The following ACYP2 variants were observed in gnomAD, a reference collection of about 807,000 sequenced individuals.
The protein encoded by ACYP2 is acylphosphatase-2.
In ACYP2, 12 loss-of-function variants were observed where a neutral mutation model predicts 11.2. The ratio of observed to expected loss-of-function variants is 1.08; its 90% CI spans 0.69 to 1.74. The LOEUF is 1.74. ACYP2 is among the 40% of genes most tolerant of loss of function. The pLI is 0.00. For synonymous variants in ACYP2, 43 were observed against 32.2 expected, an observed-to-expected ratio of 1.33 and a Z score of -1.13; for missense variants, 134 against 101.9, an observed-to-expected ratio of 1.31 and a Z score of -1.35.
At chr2:54,277,251 A>G (rs1287971784) in intron 6 of ACYP2, among the ~76,000 whole-genome samples, 1 of 152,242 alleles carries the variant, frequency 6.6e-6, no homozygotes, top group Admixed American at 6.5e-5. Flanking sequence ...TGGGAGATTC[A>G]GTGACAAATA....
chr2:54,077,534 T>C (rs1015340039), intron 4 of ACYP2, among the ~76,000 whole-genome samples: 5 of 152,122 alleles, frequency 3.3e-5, no homozygotes, highest in Admixed American at 6.5e-5. Context: ...AAGATAATTA[T>C]CAACAAGGGC....
At chr2:54,140,549 C>G (rs1261486488) in intron 6 of ACYP2, among the ~76,000 whole-genome samples, 1 of 147,542 alleles carries the variant, frequency 6.8e-6, no homozygotes, top group East Asian at 2.0e-4. Flanking sequence ...CACACACACA[C>G]TTGCACACAC....
At chr2:54,284,109 A>G (rs1163433240) in intron 6 of ACYP2, among the ~76,000 whole-genome samples, 2 of 152,226 alleles carry the variant, frequency 1.3e-5, no homozygotes. Context: ...CTTTATATTA[A>G]GTGGAAAAGA....
intron 6 of ACYP2, chr2:54,143,255 T>A (rs1681699939): frequency 1.3e-5 from 2 of 152,226 alleles, no homozygotes; most frequent in Non-Finnish European, 2.9e-5. Context: ...AAAAAGATGT[T>A]TGCTGTTGGT....
At chr2:54,262,077 T>C (rs912470680) in intron 6 of ACYP2, among the ~76,000 whole-genome samples, 18 of 152,214 alleles carry the variant, frequency 1.2e-4, no homozygotes, top group African/African-American at 4.3e-4. Flanking sequence ...AAAGAAAATA[T>C]ACATTATTGT....
At chr2:54,025,749 C>T (rs989331459) in intron 2 of ACYP2, among the ~76,000 whole-genome samples, 1 of 152,122 alleles carries the variant, frequency 6.6e-6, no homozygotes. Flanking sequence ...ATAGATGGGA[C>T]TTAATTAAAC....
chr2:54,297,796 T>C (rs1411546665), intron 6 of ACYP2, among the ~76,000 whole-genome samples: 1 of 152,156 alleles, frequency 6.6e-6, no homozygotes, highest in Non-Finnish European at 1.5e-5. Context: ...ATACAGGACC[T>C]GAATTAAACA....
chr2:54,177,287 G>A (rs1026393454), intron 6 of ACYP2, among the ~76,000 whole-genome samples: 12 of 152,186 alleles, frequency 7.9e-5, no homozygotes, highest in Non-Finnish European at 8.8e-5. Context: ...GATATCCCTC[G>A]TCACCAGGCT....
At chr2:54,121,003 G>T (rs1364937258) in intron 4 of ACYP2, among the ~76,000 whole-genome samples, 1 of 152,176 alleles carries the variant, frequency 6.6e-6, no homozygotes, top group East Asian at 1.9e-4. Context: ...CTCAGCAAAT[G>T]GGGGCATGTT....
intron 4 of ACYP2, among the ~76,000 whole-genome samples, chr2:54,121,468 G>A (rs530215380): frequency 3.3e-5 from 5 of 152,288 alleles, no homozygotes; most frequent in Non-Finnish European, 7.3e-5. Flanking sequence ...CGAGGAATTT[G>A]TCTGTTTCCT....
At chr2:54,065,773 T>C (rs1676712981) in intron 4 of ACYP2, 1 of 342,834 alleles carries the variant, frequency 2.9e-6, no homozygotes, top group Non-Finnish European at 5.2e-6. Flanking sequence ...TTGCTTTCTA[T>C]TTAAGAGCAT....
At chr2:53,991,624 C>T (rs970734954) in intron 2 of ACYP2, among the ~76,000 whole-genome samples, 2 of 151,880 alleles carry the variant, frequency 1.3e-5, no homozygotes, top group African/African-American at 4.8e-5. Context: ...AGGTTGGTGT[C>T]GAACTCCCGA....
chr2:54,187,425 C>T (rs72800794), intron 6 of ACYP2, among the ~76,000 whole-genome samples: 11,377 of 152,206 alleles, frequency 0.075, 655 homozygotes, highest in East Asian at 0.25. Context: ...GAGATGTCTA[C>T]GTGGATGGCC....
chr2:54,005,342 AT>A lies in ACYP2; in HGVS notation c.62+31547del, dbSNP rs768882230. ...CAGTTGACTCTGTTTATGAAAGTCT[AT>A]TTTTTTTTTTTTTTGAGACGGAGTC... is the stretch of plus-strand genomic sequence containing the variant. On this transcript the variant is annotated intron_variant, in intron 2 of 6. Transcript: ENST00000607452. 3.8e-3 allele frequency among the ~76,000 whole-genome samples: 538 copies of A among 141,746 alleles called. 1 individual carries two copies. The highest frequency in any genetic ancestry group is 0.012 in the Admixed American group (167 of 14,124). 93.0% of individuals were successfully genotyped at this position (141,746 alleles called of 152,430 possible). A position where few individuals can be genotyped will look rare whatever the true frequency, so the allele number is the denominator to read the frequency against.
intron 4 of ACYP2, among the ~76,000 whole-genome samples, chr2:54,111,932 C>T (rs1004621679): frequency 1.3e-5 from 2 of 152,178 alleles, no homozygotes; most frequent in Non-Finnish European, 2.9e-5. Flanking sequence ...CAGGCGGTAC[C>T]TCCTCACTTC....
intron 6 of ACYP2, among the ~76,000 whole-genome samples, chr2:54,268,639 CAAAAAA>C (rs34122735): frequency 2.5e-4 from 20 of 81,284 alleles, no homozygotes; most frequent in Admixed American, 2.1e-3. Context: ...CAGTCTCTAC[CAAAAAA>C]AAAAAAAAAA....
At chr2:54,062,903 C>T (rs901882555) in intron 4 of ACYP2, among the ~76,000 whole-genome samples, 1 of 152,156 alleles carries the variant, frequency 6.6e-6, no homozygotes, top group Non-Finnish European at 1.5e-5. Flanking sequence ...AGTAGACAGA[C>T]ATGACTTCTC....
chr2:54,289,735 A>G (rs1387490182), intron 6 of ACYP2, among the ~76,000 whole-genome samples: 1 of 151,882 alleles, frequency 6.6e-6, no homozygotes, highest in South Asian at 2.1e-4. Flanking sequence ...GAGCCTCCCT[A>G]TGAACTGAGT....
intron 6 of ACYP2, among the ~76,000 whole-genome samples, chr2:54,160,818 G>C (rs1682678525): frequency 6.6e-6 from 1 of 152,162 alleles, no homozygotes; most frequent in Non-Finnish European, 1.5e-5. Context: ...AGTATTTGTG[G>C]GTTAGATTAC....
Sources: gnomAD v4.1 joint callset for allele counts (sites outside exome capture counted in the v4.1 genomes callset) on GRCh38, gnomAD v4.1.1 for gene constraint, MANE v1.5 for transcripts, NCBI Gene and HGNC (gene_info 2026-07-23, HGNC 2026-07-21) for gene names.